The following PTPN2 variants were observed in gnomAD, a reference collection of about 807,000 sequenced individuals.
The protein encoded by PTPN2 is protein tyrosine phosphatase non-receptor type 2.
In PTPN2, 19 loss-of-function variants were observed where a neutral mutation model predicts 57.3. That is an observed-to-expected ratio of 0.33 (90% CI 0.23 to 0.49). The LOEUF is 0.49. Ranked by LOEUF, PTPN2 falls within the 20% of genes least tolerant of loss-of-function variation. PTPN2 has a pLI of 0.99. For missense variants in PTPN2, 358 were observed against 501.1 expected, an observed-to-expected ratio of 0.71 and a Z score of 2.73; for synonymous variants, 153 against 164.9, an observed-to-expected ratio of 0.93 and a Z score of 0.55.
chr18:12,854,694 T>C (rs1459089212), intron 2 of PTPN2, among the ~76,000 whole-genome samples: 3 of 152,018 alleles, frequency 2.0e-5, no homozygotes, highest in African/African-American at 7.2e-5. Flanking sequence ...TAAGCAGAGA[T>C]GGAAACTAGG....
At chr18:12,845,809 G>A (rs1197323997) in intron 2 of PTPN2, among the ~76,000 whole-genome samples, 1 of 152,148 alleles carries the variant, frequency 6.6e-6, no homozygotes, top group Admixed American at 6.5e-5. Context: ...ATGACAGCAA[G>A]TTGCAAACAT....
At chr18:12,883,869 G>T in intron 1 of PTPN2, 1 of 433,790 alleles carries the variant, frequency 2.3e-6, no homozygotes, top group Non-Finnish European at 3.9e-6. Flanking sequence ...GCTCAAGTAT[G>T]CTTTTTTTTT....
chr18:12,841,035 A>C, intron 2 of PTPN2: 1 of 1,338,490 alleles, frequency 7.5e-7, no homozygotes. Context: ...GTAAGACATT[A>C]TTTGTTTGAA....
chr18:12,799,262 C>CA (rs2041313070), intron 8 of PTPN2, among the ~76,000 whole-genome samples: 1 of 151,740 alleles, frequency 6.6e-6, no homozygotes, highest in African/African-American at 2.4e-5. Context: ...ACTAAAAATA[C>CA]AAAAATTAGC....
At chr18:12,876,399 G>GC (rs1332001346) in intron 1 of PTPN2, among the ~76,000 whole-genome samples, 3,598 of 133,318 alleles carry the variant, frequency 0.027, 157 homozygotes, top group African/African-American at 0.094. Flanking sequence ...CAGGAGTTTT[G>GC]AGTCTGCAGT....
rs756443279 is a variant in PTPN2, at chr18:12,825,909, T to A, written c.396A>T (p.Gln132His). 7 of 1,609,912 alleles carry A rather than the reference T, an allele frequency of 4.3e-6. No individual in the cohort carries two copies. The East Asian group carries it at 1.6e-4, about 36-fold the overall frequency. Residue 132 changes from glutamine to histidine, a missense_variant, in exon 5 of 9, where the codon CAA (glutamine) becomes CAT (histidine). Transcript: ENST00000309660. ...ATCCTGTTTCTTTAAACAGCATCTC[T>A]TGGTCATCTGTTGGCCAGTACTGTG... ...KCAQYWPTDD[Q>H]EMLFKETGFS...
chr18:12,876,122 G>T (rs529439044), intron 1 of PTPN2, among the ~76,000 whole-genome samples: 169 of 150,718 alleles, frequency 1.1e-3, no homozygotes, highest in Non-Finnish European at 2.1e-3. Flanking sequence ...ACTCCAGTCT[G>T]GGTGACAGAG....
chr18:12,874,728 G>A (rs866986421), intron 1 of PTPN2, among the ~76,000 whole-genome samples: 5 of 151,710 alleles, frequency 3.3e-5, no homozygotes, highest in Middle Eastern at 6.9e-3. Context: ...CCCGGGAGGT[G>A]AGGGGCGCCT....
chr18:12,837,871 A>G (rs1412217239), intron 2 of PTPN2, among the ~76,000 whole-genome samples: 1 of 152,222 alleles, frequency 6.6e-6, no homozygotes, highest in East Asian at 1.9e-4. Context: ...TTTCTGCTGG[A>G]CTGAACCCAA....
chr18:12,794,618 G>A (rs2041097832), intron 8 of PTPN2, 133 bp from the exon 9 acceptor site: 1 of 1,111,752 alleles, frequency 9.0e-7, no homozygotes, highest in Non-Finnish European at 1.2e-6. Context: ...AATAATGAGG[G>A]GAAAAGCCTC....
chr18:12,821,812 C>A (rs2042277890), intron 5 of PTPN2, among the ~76,000 whole-genome samples: 1 of 152,136 alleles, frequency 6.6e-6, no homozygotes, highest in South Asian at 2.1e-4. Context: ...GCACTGGACA[C>A]AGACTTTTTT....
chr18:12,806,461 T>C (rs991864204), intron 7 of PTPN2, among the ~76,000 whole-genome samples: 6 of 152,068 alleles, frequency 3.9e-5, no homozygotes, highest in Non-Finnish European at 5.9e-5. Flanking sequence ...ATCCTAAAAT[T>C]TGTATGAAAT....
At chr18:12,813,707 T>G (rs1176156593) in intron 7 of PTPN2, among the ~76,000 whole-genome samples, 1 of 152,220 alleles carries the variant, frequency 6.6e-6, no homozygotes, top group Non-Finnish European at 1.5e-5. Flanking sequence ...AACACAAGTT[T>G]CTGATCAGTC....
intron 1 of PTPN2, among the ~76,000 whole-genome samples, chr18:12,874,145 C>T (rs886427139): frequency 2.6e-5 from 4 of 152,000 alleles, no homozygotes; most frequent in African/African-American, 9.7e-5. Flanking sequence ...CCGCCCCGTC[C>T]AGGAGGGAGG....
chr18:12,859,142 A>G, intron 2 of PTPN2, 22 bp downstream of exon 2: 1 of 1,594,352 alleles, frequency 6.3e-7, no homozygotes, highest in East Asian at 2.2e-5. Context: ...ATACACATGC[A>G]CACAAACCCA....
intron 2 of PTPN2, 46 bp from the exon 3 acceptor site, chr18:12,836,937 T>C (rs372554326): frequency 2.6e-6 from 3 of 1,139,712 alleles, no homozygotes; most frequent in Admixed American, 3.8e-5. Flanking sequence ...TCAAAATTAC[T>C]GTTTTTATCT....
At position 12,859,237 on chromosome 18, in the gene PTPN2, G is replaced by A; in HGVS notation, c.87C>T (p.Ser29=). 1 of 1,611,248 alleles carries A rather than the reference G, an allele frequency of 6.2e-7. No homozygotes were observed. The part of the protein sequence containing the change: ...QPLYLEIRNE[S]HDYPHRVAKF... ...TGGCCACTCTATGAGGATAGTCATG[G>A]GACTCATTTCGAATTTCCTTAAAAT... The change falls in exon 2 of 9, where the codon TCC becomes TCT. Residue 29 remains serine (S), a synonymous_variant. Transcript: ENST00000309660.
At chr18:12,807,586 A>AAAAAAAAAAAAAAAAAAAAATAT in intron 7 of PTPN2, among the ~76,000 whole-genome samples, 3 of 35,200 alleles carry the variant, frequency 8.5e-5, no homozygotes, top group Non-Finnish European at 1.8e-4. Context: ...AAAAAAAAAA[A>AAAAAAAAAAAAAAAAAAAAATAT]ATATATATAT....
At chr18:12,858,553 T>TGC (rs67748234) in intron 2 of PTPN2, among the ~76,000 whole-genome samples, 3 of 5,412 alleles carry the variant, frequency 5.5e-4, no homozygotes, top group South Asian at 0.024. Flanking sequence ...AATTAAAAAT[T>TGC]GTTTATAATA....
Sources: allele counts gnomAD v4.1 joint callset (sites outside exome capture counted in the v4.1 genomes callset), GRCh38; gene constraint gnomAD v4.1.1; transcripts MANE v1.5; gene names NCBI Gene and HGNC (gene_info 2026-07-23, HGNC 2026-07-21).